Variants in CADM1 observed in about 807,000 individuals in gnomAD.
The protein encoded by CADM1 is TSLC-1.
CADM1 carries 15 observed loss-of-function variants against 53.1 expected under a neutral mutation model. The ratio of observed to expected loss-of-function variants is 0.28; its 90% confidence interval spans 0.19 to 0.44. CADM1 has a LOEUF of 0.44. Ranked by LOEUF, CADM1 falls within the 20% of genes least tolerant of loss-of-function variation. The probability of loss-of-function intolerance (pLI) is 1.00; values close to 1 mark genes in which losing one functional copy is unlikely to be tolerated. For missense variants in CADM1, 434 were observed against 611.3 expected (o/e 0.71, Z 3.06); for synonymous variants, 281 against 243.0 (o/e 1.16, Z -1.45).
intron 1 of CADM1, among the ~76,000 whole-genome samples, chr11:115,252,050 G>A (rs2134976682): frequency 6.6e-6 from 1 of 152,272 alleles, no homozygotes; most frequent in Non-Finnish European, 1.5e-5. Flanking sequence ...AGAGATAAGT[G>A]AGAAGAACAT....
intron 1 of CADM1, among the ~76,000 whole-genome samples, chr11:115,359,381 TTAAGA>T (rs1945968170): frequency 1.3e-5 from 2 of 152,246 alleles, no homozygotes; most frequent in African/African-American, 4.8e-5. Flanking sequence ...GTACAATGTA[TTAAGA>T]TGAGATGATA....
At chr11:115,217,559 G>A (rs1189382820) in intron 6 of CADM1, among the ~76,000 whole-genome samples, 1 of 152,152 alleles carries the variant, frequency 6.6e-6, no homozygotes, top group Non-Finnish European at 1.5e-5. Context: ...AAAGGTGGCA[G>A]ATATATCATT....
chr11:115,175,819 A>G lies in CADM1; in HGVS notation c.*655T>C. On this transcript the variant is annotated 3_prime_UTR_variant, in exon 12 of 12. Coordinates refer to ENST00000331581, the MANE Select transcript of CADM1 (RefSeq NM_001301043.2). ...ATCACAGTCTAATTTTCTAGTCTTC[A>G]CTGCTCTAAGTATTTGAAACATGGG... 1 of 993,084 alleles carries G rather than the reference A, an allele frequency of 1.0e-6. No homozygotes were observed. The highest frequency in any genetic ancestry group is 1.2e-6 in the Non-Finnish European group (1 of 834,458). 61.5% of individuals were successfully genotyped at this position (993,084 alleles called of 1,614,324 possible). A position where few individuals can be genotyped will look rare whatever the true frequency, so the allele number is the denominator to read the frequency against.
intron 1 of CADM1, among the ~76,000 whole-genome samples, chr11:115,343,462 C>T (rs963512774): frequency 1.3e-5 from 2 of 152,046 alleles, no homozygotes; most frequent in African/African-American, 4.8e-5. Context: ...AATGGAAGAG[C>T]TCAGATTTAA....
At chr11:115,281,705 G>A (rs912998099) in intron 1 of CADM1, among the ~76,000 whole-genome samples, 1 of 152,036 alleles carries the variant, frequency 6.6e-6, no homozygotes, top group Non-Finnish European at 1.5e-5. Context: ...GCAGTACAAG[G>A]TACACCTTAA....
At chr11:115,272,270 G>A (rs1261978392) in intron 1 of CADM1, among the ~76,000 whole-genome samples, 3 of 152,038 alleles carry the variant, frequency 2.0e-5, no homozygotes, top group East Asian at 3.9e-4. Context: ...ATACTCAGTT[G>A]CAACATTTCT....
At chr11:115,427,714 A>G (rs187129064) in intron 1 of CADM1, among the ~76,000 whole-genome samples, 62 of 152,258 alleles carry the variant, frequency 4.1e-4, no homozygotes, top group African/African-American at 1.3e-3. Context: ...AATGAAGTAC[A>G]ATGTAATTAA....
rs1206933937 is a variant in CADM1, at chr11:115,209,642, A to G, written c.1010T>C (p.Ile337Thr). 3.1e-6 allele frequency: 5 copies of G among 1,612,042 alleles called. No individual in the cohort carries two copies. In the South Asian group the frequency reaches 3.3e-5, roughly 11 times the overall value. ...MLYVYDPPTTIPPPTTTTTTT... is the reference protein window; with the variant it reads ...MLYVYDPPTTTPPPTTTTTTT... Reference sequence around the variant, plus strand: ...GGTGGTGGTTGTTGTGGGAGGAGGGATAGTTGTGGGGGGATCTGGATAGAA... The same window carrying G: ...GGTGGTGGTTGTTGTGGGAGGAGGGGTAGTTGTGGGGGGATCTGGATAGAA... Residue 337 changes from isoleucine (I) to threonine (T), a missense_variant, in exon 8 of 12, where the codon ATC (isoleucine) becomes ACC (threonine). Ile to Thr is a moderately conservative substitution (Grantham distance 89, BLOSUM62 -1). Coordinates refer to ENST00000331581, the MANE Select transcript of CADM1 (RefSeq NM_001301043.2).
chr11:115,178,505 TCTCTC>T, intron 11 of CADM1, 134 bp downstream of exon 11: 3 of 780,376 alleles, frequency 3.8e-6, no homozygotes. Context: ...TTTTTTCTCT[TCTCTC>T]TCTTCCAGTT....
chr11:115,494,018 G>A (rs1379511617), intron 1 of CADM1, among the ~76,000 whole-genome samples: 3 of 152,106 alleles, frequency 2.0e-5, no homozygotes, highest in Admixed American at 1.3e-4. Flanking sequence ...GGTATTGCGT[G>A]TGCCCAGGAA....
At chr11:115,218,678 A>G (rs1591615064) in intron 5 of CADM1, among the ~76,000 whole-genome samples, 1 of 152,342 alleles carries the variant, frequency 6.6e-6, no homozygotes, top group East Asian at 1.9e-4. Flanking sequence ...AGAGAGAGAG[A>G]CAGCCCCATA....
chr11:115,482,099 T>G (rs1591291519), intron 1 of CADM1, among the ~76,000 whole-genome samples: 1 of 152,172 alleles, frequency 6.6e-6, no homozygotes, highest in Non-Finnish European at 1.5e-5. Flanking sequence ...CCCCCATGCT[T>G]TTGTCTTTCC....
rs563156995 is a variant in CADM1 at position 115,449,449 on chromosome 11, G to A, written c.124+54822C>T. On this transcript the variant is annotated intron_variant, in intron 1 of 11. Coordinates refer to ENST00000331581, the MANE Select transcript of CADM1 (RefSeq NM_001301043.2). Reference sequence around the variant, plus strand: ...CCAATAAGCCACCTTCATTTCTTAAGCCCCCTCAGGGCTTTGAATTACTAT... The same window carrying A: ...CCAATAAGCCACCTTCATTTCTTAAACCCCCTCAGGGCTTTGAATTACTAT... Among the ~76,000 whole-genome samples, 6 of 152,202 alleles carry A rather than the reference G, an allele frequency of 3.9e-5. No individual in the cohort carries two copies. In the East Asian group the frequency reaches 1.2e-3, roughly 29 times the overall value.
intron 1 of CADM1, among the ~76,000 whole-genome samples, chr11:115,502,750 A>G (rs1240579491): frequency 2.0e-5 from 3 of 151,648 alleles, no homozygotes; most frequent in African/African-American, 7.3e-5. Flanking sequence ...CGTCCCCCAA[A>G]TCTCAAGCTA....
chr11:115,286,698 T>G (rs977795282), intron 1 of CADM1, among the ~76,000 whole-genome samples: 14 of 152,354 alleles, frequency 9.2e-5, no homozygotes, highest in African/African-American at 3.4e-4. Context: ...TGTTATGTTC[T>G]GCATAGGGCC....
intron 1 of CADM1, among the ~76,000 whole-genome samples, chr11:115,318,764 C>T (rs778313082): frequency 1.3e-5 from 2 of 151,990 alleles, no homozygotes; most frequent in Non-Finnish European, 2.9e-5. Flanking sequence ...GTACAGACAG[C>T]AATAAAGACA....
chr11:115,453,502 ATTGTTT>A (rs1565435638), intron 1 of CADM1, among the ~76,000 whole-genome samples: 1 of 151,832 alleles, frequency 6.6e-6, no homozygotes, highest in Non-Finnish European at 1.5e-5. Context: ...ACTTGTTGTC[ATTGTTT>A]TTGTTTTTGA....
Position 115,240,280 on chromosome 11 carries a change from A to T in CADM1, c.265T>A (p.Phe89Ile). Residue 89 changes from phenylalanine to isoleucine, a missense_variant, in exon 2 of 12, where the codon TTC becomes ATC. Phe to Ile is a conservative substitution (Grantham distance 21). Around this residue, in one of 4 missense-constraint regions of CADM1, gnomAD observed 31 missense variants for 74.6 expected, o/e 0.42. Coordinates refer to ENST00000331581, the MANE Select transcript of CADM1 (RefSeq NM_001301043.2). ...TATAGAGATGGAAACTTACGCCTGA[A>T]GTCCCTGAAATAAATGGTCTGCCTG... ...PNRQTIYFRDFRPLKDSRFQL... is the reference protein window; with the variant it reads ...PNRQTIYFRDIRPLKDSRFQL... The T allele has an allele frequency of 5.6e-6, 9 of 1,613,676 alleles. No homozygotes were observed. The highest frequency in any genetic ancestry group is 7.6e-6 in the Non-Finnish European group (9 of 1,179,778).
At chr11:115,382,172 A>G (rs536202547) in intron 1 of CADM1, among the ~76,000 whole-genome samples, 6 of 152,320 alleles carry the variant, frequency 3.9e-5, no homozygotes, top group African/African-American at 1.4e-4. Context: ...GTAAATATTA[A>G]TATGTATTAA....
Sources: allele counts gnomAD v4.1 joint callset (sites outside exome capture counted in the v4.1 genomes callset), GRCh38; gene constraint gnomAD v4.1.1; regional missense constraint gnomAD v4.1.1; transcripts MANE v1.5; gene names NCBI Gene and HGNC (gene_info 2026-07-23, HGNC 2026-07-21).